The following PELI2 variants were observed in gnomAD, a reference collection of about 807,000 sequenced individuals.
The protein encoded by PELI2 is E3 ubiquitin-protein ligase pellino homolog 2.
A neutral mutation model predicts 42.3 loss-of-function variants in PELI2; 23 were observed. The observed-to-expected ratio is 0.54, with a 90% CI of 0.39 to 0.77. The LOEUF is 0.77. PELI2 is among the 30% of genes least tolerant of loss of function. PELI2 has a pLI of 0.00. For missense variants in PELI2, 463 were observed against 553.2 expected, an observed-to-expected ratio of 0.84 and a Z score of 1.64; for synonymous variants, 245 against 212.2, an observed-to-expected ratio of 1.15 and a Z score of -1.34.
At chr14:56,154,152 A>G (rs1884465709) in intron 1 of PELI2, among the ~76,000 whole-genome samples, 1 of 152,240 alleles carries the variant, frequency 6.6e-6, no homozygotes, top group Middle Eastern at 3.2e-3. Flanking sequence ...TTTCTTATGC[A>G]TATTAAAAAG....
At position 56,273,040 on chromosome 14, in the gene PELI2, C is replaced by T. The variant is rs1044654783; in HGVS notation, c.208-6636C>T. On this transcript the variant is annotated intron_variant, in intron 2 of 5. Transcript: ENST00000267460. This position sits in a 1 kb window ranked among gnomAD's most constrained non-coding sequence, Gnocchi z 4.3. The stretch of plus-strand genomic sequence containing the variant: ...CAGAATTTAGTGAGTTCACAAAAAC[C>T]TTCTGTTTTATTCATTATTTTGTGG... Among the ~76,000 whole-genome samples, 11 of 152,160 alleles carry T rather than the reference C, an allele frequency of 7.2e-5. No individual in the cohort carries two copies. The highest frequency in any genetic ancestry group is 1.6e-4 in the Non-Finnish European group (11 of 68,020).
At chr14:56,227,018 T>G (rs1887381544) in intron 2 of PELI2, among the ~76,000 whole-genome samples, 1 of 152,232 alleles carries the variant, frequency 6.6e-6, no homozygotes, top group Non-Finnish European at 1.5e-5. Flanking sequence ...AAAGTTTAAA[T>G]GTCTGTGGCA....
intron 1 of PELI2, among the ~76,000 whole-genome samples, chr14:56,157,826 G>A (rs1165465582): frequency 6.6e-6 from 1 of 152,184 alleles, no homozygotes; most frequent in African/African-American, 2.4e-5. Context: ...AAAAGGAAAA[G>A]ACACTGGAAG....
chr14:56,123,445 G>A (rs1715834441), intron 1 of PELI2, among the ~76,000 whole-genome samples: 3 of 152,198 alleles, frequency 2.0e-5, no homozygotes, highest in Non-Finnish European at 4.4e-5. Context: ...GGGGTGATCT[G>A]AAGAGCTCAG....
intron 1 of PELI2, among the ~76,000 whole-genome samples, chr14:56,121,463 TTTAA>T (rs1883056480): frequency 6.6e-6 from 1 of 152,234 alleles, no homozygotes; most frequent in Admixed American, 6.5e-5. Flanking sequence ...ATTAGTGGAA[TTTAA>T]TTATTTCATG....
intron 3 of PELI2, among the ~76,000 whole-genome samples, chr14:56,286,998 G>A (rs185778308): frequency 3.3e-4 from 50 of 152,250 alleles, no homozygotes; most frequent in Middle Eastern, 3.4e-3. Flanking sequence ...TAATACATTT[G>A]GATGAACTCA....
At chr14:56,229,629 A>C (rs1318623513) in intron 2 of PELI2, among the ~76,000 whole-genome samples, 3 of 152,196 alleles carry the variant, frequency 2.0e-5, no homozygotes, top group Non-Finnish European at 2.9e-5. Flanking sequence ...GATAAAACCA[A>C]AAAGATGGGG....
At position 56,285,178 on chromosome 14, in the gene PELI2, C is replaced by T. The variant is rs994006702; in HGVS notation, c.310-3259C>T. 3.3e-5 allele frequency among the ~76,000 whole-genome samples: 5 copies of T among 152,144 alleles called. No homozygotes were observed. The East Asian group carries it at 9.7e-4, about 29-fold the overall frequency. On this transcript the variant is annotated intron_variant, in intron 3 of 5. Coordinates refer to ENST00000267460, the MANE Select transcript of PELI2 (RefSeq NM_021255.3). ...CAGTTTGGAGGCTAAGGTGATAGAA[C>T]CCAAGTAAGACATAATGGTAACCAG...
intron 2 of PELI2, among the ~76,000 whole-genome samples, chr14:56,189,633 A>G (rs1275144450): frequency 6.6e-6 from 1 of 152,224 alleles, no homozygotes; most frequent in Admixed American, 6.5e-5. Context: ...TTCTCTGGGA[A>G]GTATTAATGA....
chr14:56,292,579 T>C (rs1175223221), intron 5 of PELI2: 1 of 157,228 alleles, frequency 6.4e-6, no homozygotes, highest in Non-Finnish European at 1.4e-5. Context: ...GTCTAAAATA[T>C]TTGTTAAAAC....
intron 1 of PELI2, among the ~76,000 whole-genome samples, chr14:56,159,568 A>G (rs115197413): frequency 2.6e-5 from 4 of 152,118 alleles, no homozygotes; most frequent in African/African-American, 4.8e-5. Flanking sequence ...TTGTTGCTAC[A>G]CTTTGTTTTT....
At position 56,180,149 on chromosome 14, in the gene PELI2, A is replaced by C. The variant is rs1030257315; in HGVS notation, c.207+1685A>C. ...AAGTCTGTGTTTAAAAATATTACCC[A>C]CAGTACTAAAAGTAGGGCAGATTGG... is the stretch of plus-strand genomic sequence containing the variant. On this transcript the variant is annotated intron_variant, in intron 2 of 5. Coordinates refer to ENST00000267460, the MANE Select transcript of PELI2 (RefSeq NM_021255.3). The surrounding 1 kb of genome is among the most constrained non-coding windows in gnomAD (Gnocchi z 4.4). Among the ~76,000 whole-genome samples the C allele has an allele frequency of 3.3e-5, 5 of 152,144 alleles. No individual in the cohort carries two copies. The highest frequency in any genetic ancestry group is 6.5e-5 in the Admixed American group (1 of 15,286).
At chr14:56,199,986 T>C (rs1362810520) in intron 2 of PELI2, among the ~76,000 whole-genome samples, 1 of 152,210 alleles carries the variant, frequency 6.6e-6, no homozygotes, top group East Asian at 1.9e-4. Context: ...TGGTAGACAG[T>C]GGGTCTGTAT....
chr14:56,248,037 G>A (rs912734598), intron 2 of PELI2, among the ~76,000 whole-genome samples: 1 of 152,214 alleles, frequency 6.6e-6, no homozygotes, highest in African/African-American at 2.4e-5. Context: ...TGTTAGGCTA[G>A]CTGCCACGTA....
intron 1 of PELI2, among the ~76,000 whole-genome samples, chr14:56,140,820 G>A (rs1000932430): frequency 6.6e-6 from 1 of 152,204 alleles, no homozygotes; most frequent in African/African-American, 2.4e-5. Flanking sequence ...AAGTTGGGGG[G>A]TGACTTGGTA....
At chr14:56,290,099 C>T (rs1375801533) in intron 4 of PELI2, among the ~76,000 whole-genome samples, 169 bp from the exon 5 acceptor site, 1 of 152,050 alleles carries the variant, frequency 6.6e-6, no homozygotes, top group East Asian at 1.9e-4. Flanking sequence ...TTTATATTGT[C>T]GAAAGGATGG....
chr14:56,192,400 A>G (rs1015846414), intron 2 of PELI2, among the ~76,000 whole-genome samples: 1 of 152,066 alleles, frequency 6.6e-6, no homozygotes, highest in African/African-American at 2.4e-5. Context: ...CAACCTCAGC[A>G]CCATTGGCAG....
intron 2 of PELI2, among the ~76,000 whole-genome samples, chr14:56,234,139 T>G (rs935592121): frequency 5.9e-5 from 9 of 152,174 alleles, no homozygotes; most frequent in Admixed American, 1.3e-4. Flanking sequence ...AGGAACACTT[T>G]GACACTGTTG....
intron 2 of PELI2, among the ~76,000 whole-genome samples, chr14:56,200,654 A>G (rs1886304333): frequency 6.6e-6 from 1 of 152,210 alleles, no homozygotes; most frequent in South Asian, 2.1e-4. Flanking sequence ...GATTTCTGAA[A>G]TGCTGATGAC....
Sources: gnomAD v4.1 joint callset for allele counts (sites outside exome capture counted in the v4.1 genomes callset) on GRCh38, gnomAD v4.1.1 for gene constraint, Gnocchi (gnomAD v3.1) non-coding constraint, MANE v1.5 for transcripts, NCBI Gene and HGNC (gene_info 2026-07-23, HGNC 2026-07-21) for gene names.